Variants in MFSD6 observed in about 807,000 individuals in gnomAD.
MFSD6 encodes the protein major facilitator superfamily domain-containing protein 6.
In MFSD6, 26 loss-of-function variants were observed where a neutral mutation model predicts 56.3. The ratio of observed to expected loss-of-function variants is 0.46; its 90% confidence interval spans 0.34 to 0.64. MFSD6 has a LOEUF of 0.64. MFSD6 is among the 30% of genes least tolerant of loss of function. The pLI is 0.01. For missense variants in MFSD6, 750 were observed against 986.2 expected, an observed-to-expected ratio of 0.76 and a Z score of 3.21; for synonymous variants, 331 against 366.9, an observed-to-expected ratio of 0.90 and a Z score of 1.12.
intron 2 of MFSD6, among the ~76,000 whole-genome samples, chr2:190,420,074 A>G (rs1057314265): frequency 5.3e-5 from 8 of 152,182 alleles, no homozygotes; most frequent in Non-Finnish European, 1.0e-4. Flanking sequence ...CTTTTTTTAA[A>G]AAAGCATTAA....
rs539887858 is a variant in MFSD6, at chr2:190,426,744, A to G, written c.-53-9233A>G. Among the ~76,000 whole-genome samples the G allele has an allele frequency of 1.3e-5, 2 of 151,868 alleles. No homozygotes were observed. Among genetic ancestry groups the G allele is most frequent in the Middle Eastern group, 3.4e-3 (1 of 294 alleles). On this transcript the variant is annotated intron_variant, in intron 2 of 7. Coordinates refer to ENST00000392328, the MANE Select transcript of MFSD6 (RefSeq NM_017694.4). This position sits in a 1 kb window ranked among gnomAD's most constrained non-coding sequence, Gnocchi z 4.7. ...TGGCATCCATTGATTGCCTTTCTCCATTCAGTTTGAGATCTTCCTGGTTCT... is the reference window on the plus strand; with the variant it reads ...TGGCATCCATTGATTGCCTTTCTCCGTTCAGTTTGAGATCTTCCTGGTTCT...
chr2:190,482,903 T>TTTTTTTTTTTTTTTTTTTG lies in MFSD6; in HGVS notation c.1631-5754_1631-5753insTTTTTTTTTTTTTTTTTTG, dbSNP rs544591315. 1.1e-3 allele frequency among the ~76,000 whole-genome samples: 95 copies of TTTTTTTTTTTTTTTTTTTG among 86,250 alleles called. 38 individuals are homozygous for TTTTTTTTTTTTTTTTTTTG. The highest frequency in any genetic ancestry group is 2.9e-3 in the East Asian group (7 of 2,442). 56.6% of individuals were successfully genotyped at this position (86,250 alleles called of 152,430 possible). ...TTTTTTTTTTTTTTTTTTTTTTTTT[T>TTTTTTTTTTTTTTTTTTTG]AGACGGAGTCTCACTCTGTCGCCCA... On this transcript the variant is annotated intron_variant, in intron 4 of 7. Coordinates refer to ENST00000392328, the MANE Select transcript of MFSD6 (RefSeq NM_017694.4).
At position 190,416,406 on chromosome 2, in the gene MFSD6, T is replaced by C. The variant is rs566434021; in HGVS notation, c.-54+993T>C. Among the ~76,000 whole-genome samples, 8 of 152,358 alleles carry C rather than the reference T, an allele frequency of 5.3e-5. No homozygotes were observed. The highest frequency in any genetic ancestry group is 1.9e-4 in the African/African-American group (8 of 41,586). Reference sequence around the variant, plus strand: ...TATGATGTTACAAATATAAGTAAAATGTTTCTACAGAATATTTTATTTTAA... The same window carrying C: ...TATGATGTTACAAATATAAGTAAAACGTTTCTACAGAATATTTTATTTTAA... On this transcript the variant is annotated intron_variant, in intron 2 of 7. Coordinates refer to ENST00000392328, the MANE Select transcript of MFSD6 (RefSeq NM_017694.4). The surrounding 1 kb of genome is among the most constrained non-coding windows in gnomAD (Gnocchi z 4.1).
intron 2 of MFSD6, among the ~76,000 whole-genome samples, chr2:190,427,503 T>A (rs1366134378): frequency 1.3e-5 from 2 of 152,358 alleles, no homozygotes; most frequent in Admixed American, 1.3e-4. Context: ...GCTTTTTGTT[T>A]GCACCTATCT....
At chr2:190,448,072 A>T (rs1044231031) in intron 3 of MFSD6, among the ~76,000 whole-genome samples, 1 of 152,068 alleles carries the variant, frequency 6.6e-6, no homozygotes, top group Non-Finnish European at 1.5e-5. Context: ...GTACTTGCTG[A>T]GTTAAAGAGA....
At chr2:190,477,431 A>C (rs1361131573) in intron 4 of MFSD6, 2 of 898,082 alleles carry the variant, frequency 2.2e-6, no homozygotes, top group Non-Finnish European at 2.7e-6. Flanking sequence ...CATGCATATA[A>C]CTTTTTTATC....
chr2:190,421,221 T>C (rs994934605), intron 2 of MFSD6, among the ~76,000 whole-genome samples: 1 of 152,202 alleles, frequency 6.6e-6, no homozygotes, highest in African/African-American at 2.4e-5. Context: ...GGACTTTGTG[T>C]CCTTCTCTGA....
Position 190,429,046 on chromosome 2 carries a change from G to A in MFSD6, c.-53-6931G>A, listed in dbSNP as rs145218407. On this transcript the variant is annotated intron_variant, in intron 2 of 7. Transcript: ENST00000392328. ...TTCTGGTTTTAATGCTTTCACTGGCGATTAATCAAGTTGATCATCTTTTTA... is the reference window on the plus strand; with the variant it reads ...TTCTGGTTTTAATGCTTTCACTGGCAATTAATCAAGTTGATCATCTTTTTA... Among the ~76,000 whole-genome samples, 865 of 152,112 alleles carry A rather than the reference G, an allele frequency of 5.7e-3. 11 individuals are homozygous for A. The highest frequency in any genetic ancestry group is 0.02 in the African/African-American group (837 of 41,488).
intron 2 of MFSD6, among the ~76,000 whole-genome samples, chr2:190,420,445 G>A (rs1685570329): frequency 6.6e-6 from 1 of 151,948 alleles, no homozygotes; most frequent in South Asian, 2.1e-4. Context: ...ACCTCCAAAC[G>A]GGGCTACCTC....
rs778578352 is a variant in MFSD6 at position 190,496,532 on chromosome 2, C to T, written c.1892-907C>T. Among the ~76,000 whole-genome samples the T allele has an allele frequency of 6.6e-6, 1 of 152,128 alleles. No individual in the cohort carries two copies. Among genetic ancestry groups the T allele is most frequent in the Non-Finnish European group, 1.5e-5 (1 of 68,012 alleles). ...TATATGAAAAAGATACTTGTACATG[C>T]ATGTTTATAGCATCACAATTGCAAA... On this transcript the variant is annotated intron_variant, in intron 6 of 7. Coordinates refer to ENST00000392328, the MANE Select transcript of MFSD6 (RefSeq NM_017694.4). This position sits in a 1 kb window ranked among gnomAD's most constrained non-coding sequence, Gnocchi z 4.7.
In MFSD6 at chr2:190,413,585, G is replaced by A. The variant is rs2124981843; in HGVS notation, c.-175-1707G>A. Among the ~76,000 whole-genome samples the A allele has an allele frequency of 6.6e-6, 1 of 152,304 alleles. No homozygotes were observed. The highest frequency in any genetic ancestry group is 1.5e-5 in the Non-Finnish European group (1 of 68,022). ...CAGGGACACTATGAATCAGCAGTGG[G>A]CAGAGTGAGCTCTGGTGTGTGGCTT... is the stretch of plus-strand genomic sequence containing the variant. On this transcript the variant is annotated intron_variant, in intron 1 of 7. Transcript: ENST00000392328. This position sits in a 1 kb window ranked among gnomAD's most constrained non-coding sequence, Gnocchi z 4.1.
At chr2:190,411,103 T>C (rs1362157276) in intron 1 of MFSD6, 20 of 983,986 alleles carry the variant, frequency 2.0e-5, no homozygotes, top group Non-Finnish European at 2.0e-5. Flanking sequence ...TATATACATT[T>C]GTTTAAACCT....
chr2:190,414,078 A>G (rs541943795), intron 1 of MFSD6, among the ~76,000 whole-genome samples: 3 of 152,186 alleles, frequency 2.0e-5, no homozygotes, highest in South Asian at 4.2e-4. Flanking sequence ...CATGCTGCCT[A>G]TGACTTTTAA....
rs1482720706 is a variant in MFSD6 at position 190,431,511 on chromosome 2, C to T, written c.-53-4466C>T. On this transcript the variant is annotated intron_variant, in intron 2 of 7. Coordinates refer to ENST00000392328, the MANE Select transcript of MFSD6 (RefSeq NM_017694.4). This position sits in a 1 kb window ranked among gnomAD's most constrained non-coding sequence, Gnocchi z 4.4. ...CGCGATTAGGAGCTGGAGACTAGCCCGGCCAACACAGCGAAACCCCGTCTC... is the reference window on the plus strand; with the variant it reads ...CGCGATTAGGAGCTGGAGACTAGCCTGGCCAACACAGCGAAACCCCGTCTC... Among the ~76,000 whole-genome samples, 9 of 152,312 alleles carry T rather than the reference C, an allele frequency of 5.9e-5. No individual in the cohort carries two copies. The highest frequency in any genetic ancestry group is 1.9e-4 in the East Asian group (1 of 5,182).
rs894714031 is a variant in MFSD6 at position 190,497,736 on chromosome 2, G to T, written c.2172+17G>T. The T allele has an allele frequency of 4.4e-6, 7 of 1,602,080 alleles. No homozygotes were observed. The highest frequency in any genetic ancestry group is 5.1e-6 in the Non-Finnish European group (6 of 1,171,130). On this transcript the variant is annotated intron_variant, in intron 7 of 7. Transcript: ENST00000392328. The surrounding 1 kb of genome is among the most constrained non-coding windows in gnomAD (Gnocchi z 5.2). ...CCTTTACAGGTACAGTTCCTTTGCTGGGCTAGCAATATTACCTGTCACTCA... is the reference window on the plus strand; with the variant it reads ...CCTTTACAGGTACAGTTCCTTTGCTTGGCTAGCAATATTACCTGTCACTCA...
At chr2:190,408,664 C>G (rs553357726) in intron 1 of MFSD6, among the ~76,000 whole-genome samples, 161 bp downstream of exon 1, 1 of 151,774 alleles carries the variant, frequency 6.6e-6, no homozygotes, top group Non-Finnish European at 1.5e-5. Flanking sequence ...GCGTGCGCCG[C>G]TGTCTCCGCT....
At position 190,436,273 on chromosome 2, in the gene MFSD6, T is replaced by C; in HGVS notation, c.244T>C (p.Tyr82His). 1 of 1,614,102 alleles carries C rather than the reference T, an allele frequency of 6.2e-7. No individual in the cohort carries two copies. The highest frequency in any genetic ancestry group is 8.5e-7 in the Non-Finnish European group (1 of 1,179,904). Residue 82 changes from tyrosine to histidine, a missense_variant, in exon 3 of 8, where the codon TAT becomes CAT. Physicochemically the swap from Tyr to His is moderately conservative, Grantham distance 83. Coordinates refer to ENST00000392328, the MANE Select transcript of MFSD6 (RefSeq NM_017694.4). This position sits in a 1 kb window ranked among gnomAD's most constrained non-coding sequence, Gnocchi z 5.3. ...CTTTTATTTTTTCTTTTACTCTGCC[T>C]ATGGCTCTCTCTATCCCCTTTTGCC... is the stretch of plus-strand genomic sequence containing the variant. ...KVFYFFFYSAYGSLYPLLPVY... is the reference protein window; with the variant it reads ...KVFYFFFYSAHGSLYPLLPVY...
At chr2:190,432,821 C>T (rs151315917) in intron 2 of MFSD6, among the ~76,000 whole-genome samples, 5,030 of 151,320 alleles carry the variant, frequency 0.033, 118 homozygotes, top group Non-Finnish European at 0.056. Flanking sequence ...CTGCCACCCC[C>T]GCCCCCCAAC....
chr2:190,477,423 T>C (rs955162329), intron 4 of MFSD6: 1 of 916,338 alleles, frequency 1.1e-6, no homozygotes, highest in Non-Finnish European at 1.3e-6. Flanking sequence ...TAATAATACA[T>C]GCATATAACT....
Sources: gnomAD v4.1 joint callset for allele counts (sites outside exome capture counted in the v4.1 genomes callset) on GRCh38, gnomAD v4.1.1 for gene constraint, Gnocchi (gnomAD v3.1) non-coding constraint, MANE v1.5 for transcripts, NCBI Gene and HGNC (gene_info 2026-07-23, HGNC 2026-07-21) for gene names.